ING5: variants seen among roughly 807,000 people sequenced by gnomAD.
ING5 encodes the protein inhibitor of growth protein 5.
Under a neutral mutation model 37.4 loss-of-function variants are expected in ING5, and 17 were observed. That is an observed-to-expected ratio of 0.45 (90% confidence interval 0.31 to 0.68). The LOEUF (loss-of-function observed/expected upper bound fraction) is 0.68. ING5 is among the 30% of genes least tolerant of loss of function. The pLI is 0.05. For synonymous variants in ING5, 123 were observed against 116.6 expected (o/e 1.06, Z -0.36); for missense variants, 233 against 311.9 (o/e 0.75, Z 1.91).
chr2:241,707,798 C>T (rs139034313), intron 2 of ING5, among the ~76,000 whole-genome samples: 65 of 152,328 alleles, frequency 4.3e-4, no homozygotes, highest in Non-Finnish European at 7.6e-4. Flanking sequence ...AGCCCTTTGG[C>T]ACCTGAAGGC....
upstream of ING5, among the ~76,000 whole-genome samples, chr2:241,698,170 C>T (rs996804846): frequency 4.6e-5 from 7 of 150,640 alleles, no homozygotes; most frequent in Admixed American, 3.3e-4. Context: ...TCGGGCCCGC[C>T]GTGGTGGCTC....
intron 3 of ING5, among the ~76,000 whole-genome samples, chr2:241,710,565 A>G (rs1274177390): frequency 1.3e-5 from 2 of 151,836 alleles, no homozygotes; most frequent in Admixed American, 6.6e-5. Flanking sequence ...GCTCACTGCA[A>G]CCTCTGCCTC....
chr2:241,713,154 T>C (rs1225460925), intron 5 of ING5, among the ~76,000 whole-genome samples: 1 of 151,472 alleles, frequency 6.6e-6, no homozygotes, highest in Non-Finnish European at 1.5e-5. Context: ...CCTCCCAGGT[T>C]CAAGCGATTC....
chr2:241,719,658 G>T, intron 5 of ING5: 2 of 1,534,736 alleles, frequency 1.3e-6, no homozygotes, highest in Non-Finnish European at 8.7e-7. Context: ...CCTCGTGGGG[G>T]TGAAGGAGAC....
chr2:241,721,294 G>A, intron 5 of ING5: 1 of 985,454 alleles, frequency 1.0e-6, no homozygotes, highest in Non-Finnish European at 1.2e-6. Context: ...TGAGACTGTT[G>A]CTTGAAAGCA....
chr2:241,704,851 C>T (rs2069854555), intron 2 of ING5, 127 bp downstream of exon 2: 8 of 742,908 alleles, frequency 1.1e-5, no homozygotes, highest in Non-Finnish European at 1.9e-5. Context: ...TAGCCCTGGG[C>T]CGTGGGTATC....
intron 5 of ING5, chr2:241,721,151 C>T (rs534989878): frequency 1.2e-5 from 12 of 985,572 alleles, no homozygotes; most frequent in Middle Eastern, 5.2e-4. Flanking sequence ...CTGCTCTCCG[C>T]GGGTGAGAGG....
chr2:241,698,433 T>C (rs534811471), upstream of ING5, among the ~76,000 whole-genome samples: 47 of 151,712 alleles, frequency 3.1e-4, no homozygotes, highest in South Asian at 7.5e-3. Flanking sequence ...AAAAAAAGTA[T>C]CAATATTGTT....
At chr2:241,723,864 G>A in intron 7 of ING5, 1 of 1,514,744 alleles carries the variant, frequency 6.6e-7, no homozygotes, top group East Asian at 2.2e-5. Context: ...ACAAAAATTA[G>A]CTGGGCGTGG....
chr2:241,687,127 C>G (rs1056769944), exon 1 of ING5: 2 of 388,264 alleles, frequency 5.2e-6, no homozygotes, highest in Non-Finnish European at 9.1e-6. Flanking sequence ...AGGGCGCGGA[C>G]GAGGGGAGCG....
At chr2:241,700,318 A>G (rs1310909525), upstream of ING5, among the ~76,000 whole-genome samples, 10 of 148,308 alleles carry the variant, frequency 6.7e-5, no homozygotes, top group East Asian at 2.1e-4. Flanking sequence ...CACCATGCCC[A>G]GCTAATTTTT....
chr2:241,709,120 C>A, intron 2 of ING5, 96 bp from the exon 3 acceptor site: 1 of 1,346,286 alleles, frequency 7.4e-7, no homozygotes, highest in Non-Finnish European at 1.0e-6. Context: ...ACATCTTTGC[C>A]ACAACTTGGC....
At chr2:241,724,713 A>G (rs1291339229) in intron 7 of ING5, 2 of 513,440 alleles carry the variant, frequency 3.9e-6, no homozygotes, top group Admixed American at 6.7e-5. Flanking sequence ...GCCGGGGAAG[A>G]AGGACCCACC....
chr2:241,719,700 C>T (rs2070378206), intron 5 of ING5: 1 of 1,511,108 alleles, frequency 6.6e-7, no homozygotes, highest in African/African-American at 1.4e-5. Context: ...GGGCTTCCTC[C>T]CTGAGGGCTC....
intron 5 of ING5, among the ~76,000 whole-genome samples, chr2:241,712,758 G>T (rs982890760): frequency 1.3e-5 from 2 of 152,116 alleles, no homozygotes. Context: ...GGGCACGGTA[G>T]CTCATGCCTA....
chr2:241,695,684 TA>T (rs901427048), intron 2 of ING5, among the ~76,000 whole-genome samples: 73 of 151,218 alleles, frequency 4.8e-4, no homozygotes, highest in Non-Finnish European at 9.0e-4. Context: ...AGATTCCGTC[TA>T]AAAAAAAATG....
intron 5 of ING5, chr2:241,720,909 C>A (rs936270692): frequency 1.9e-4 from 187 of 985,534 alleles, no homozygotes; most frequent in Non-Finnish European, 2.2e-4. Context: ...GCCAGTGAGG[C>A]CTGCACGGTG....
At chr2:241,721,247 T>C (rs911385994) in intron 5 of ING5, 2 of 985,444 alleles carry the variant, frequency 2.0e-6, no homozygotes, top group Non-Finnish European at 2.4e-6. Flanking sequence ...CGTAGACCCT[T>C]GCGTGCTGCT....
chr2:241,698,727 GTTTAA>G (rs2069669143), upstream of ING5, among the ~76,000 whole-genome samples: 1 of 152,030 alleles, frequency 6.6e-6, no homozygotes, highest in East Asian at 1.9e-4. Context: ...TTCCTGTATT[GTTTAA>G]TTTTTTTGTT....
Sources: gnomAD v4.1 joint callset for allele counts (sites outside exome capture counted in the v4.1 genomes callset) on GRCh38, gnomAD v4.1.1 for gene constraint, MANE v1.5 for transcripts, NCBI Gene and HGNC (gene_info 2026-07-23, HGNC 2026-07-21) for gene names.